The following PCDHA8 variants were observed in gnomAD, a reference collection of about 807,000 sequenced individuals.
PCDHA8 encodes protocadherin alpha-8.
In PCDHA8, 53 loss-of-function variants were observed where a neutral mutation model predicts 61.8. The ratio of observed to expected loss-of-function variants is 0.86; its 90% CI spans 0.69 to 1.08. The LOEUF is 1.08. Among genes scored for constraint, PCDHA8 ranks in the 50% least tolerant of loss-of-function variants. The pLI is 0.00. For synonymous variants in PCDHA8, 618 were observed against 556.6 expected, an observed-to-expected ratio of 1.11 and a Z score of -1.55; for missense variants, 1,293 against 1,245.0, an observed-to-expected ratio of 1.04 and a Z score of -0.58.
intron 1 of PCDHA8, chr5:140,851,516 T>A: frequency 1.1e-6 from 1 of 906,322 alleles, no homozygotes; most frequent in African/African-American, 1.8e-5. Context: ...AAATATGTTT[T>A]AAAATGCCTG....
rs550197512 is a variant in PCDHA8, at chr5:140,883,885, C to G, written c.2394+40170C>G. On this transcript the variant is annotated intron_variant, in intron 1 of 3. Coordinates refer to ENST00000531613, the MANE Select transcript of PCDHA8 (RefSeq NM_018911.3). ...TGCAGTTCCAGGTGAGCGCGCGCGA[C>G]TCTGGCGTGCCGCCTCTGGGCAGCA... The G allele has an allele frequency of 6.1e-5, 99 of 1,613,382 alleles. No homozygotes were observed. Among genetic ancestry groups the G allele is most frequent in the East Asian group, 1.6e-4 (7 of 44,866 alleles).
intron 3 of PCDHA8, among the ~76,000 whole-genome samples, chr5:140,997,797 C>T (rs2097786104): frequency 6.6e-6 from 1 of 151,944 alleles, no homozygotes; most frequent in Non-Finnish European, 1.5e-5. Context: ...TATAATTTAT[C>T]CAATTTGCTG....
intron 1 of PCDHA8, among the ~76,000 whole-genome samples, chr5:140,901,030 C>G (rs1382384435): frequency 6.6e-6 from 1 of 152,116 alleles, no homozygotes; most frequent in Admixed American, 6.5e-5. Context: ...CTATTCAACT[C>G]TTTTGCCCAT....
intron 3 of PCDHA8, among the ~76,000 whole-genome samples, chr5:140,984,282 C>T (rs543279467): frequency 6.6e-6 from 1 of 152,296 alleles, no homozygotes; most frequent in Admixed American, 6.5e-5. Flanking sequence ...ATACATTCTC[C>T]CTCCCATTGG....
rs75032728 is a variant in PCDHA8 at position 140,932,740 on chromosome 5, T to C, written c.2395-46209T>C. On this transcript the variant is annotated intron_variant, in intron 1 of 3. Coordinates refer to ENST00000531613, the MANE Select transcript of PCDHA8 (RefSeq NM_018911.3). The stretch of plus-strand genomic sequence containing the variant: ...ATATTGTATAATATAGACCCTCAAA[T>C]CAGTAAAAAGGAAAGAAAAAGAACA... 5.5e-3 allele frequency among the ~76,000 whole-genome samples: 829 copies of C among 151,670 alleles called. 4 individuals carry two copies. The highest frequency in any genetic ancestry group is 0.019 in the African/African-American group (798 of 41,410).
At chr5:140,872,215 A>T (rs931630004) in intron 1 of PCDHA8, among the ~76,000 whole-genome samples, 2 of 152,188 alleles carry the variant, frequency 1.3e-5, no homozygotes, top group Non-Finnish European at 2.9e-5. Flanking sequence ...ATTATATATG[A>T]AACAATCTTT....
chr5:140,969,781 A>G (rs1017019880), intron 1 of PCDHA8, among the ~76,000 whole-genome samples: 3 of 152,336 alleles, frequency 2.0e-5, no homozygotes, highest in East Asian at 1.9e-4. Flanking sequence ...AGGGGCTATC[A>G]TAGTCACCAC....
At chr5:140,874,401 A>G (rs2054889687) in intron 1 of PCDHA8, among the ~76,000 whole-genome samples, 1 of 152,218 alleles carries the variant, frequency 6.6e-6, no homozygotes, top group African/African-American at 2.4e-5. Context: ...CTTGCATAAC[A>G]GTCACCATTC....
chr5:140,936,275 T>C (rs1423652397), intron 1 of PCDHA8, among the ~76,000 whole-genome samples: 1 of 152,216 alleles, frequency 6.6e-6, no homozygotes, highest in African/African-American at 2.4e-5. Context: ...TATATTCCTG[T>C]GTTTTCTTCT....
At chr5:140,958,397 A>T (rs1306610051) in intron 1 of PCDHA8, among the ~76,000 whole-genome samples, 3 of 152,172 alleles carry the variant, frequency 2.0e-5, no homozygotes, top group African/African-American at 7.2e-5. Flanking sequence ...GTCATCAAAC[A>T]TTATCACTGA....
intron 3 of PCDHA8, among the ~76,000 whole-genome samples, chr5:140,999,772 T>A (rs1186405321): frequency 6.6e-6 from 1 of 152,182 alleles, no homozygotes; most frequent in Non-Finnish European, 1.5e-5. Flanking sequence ...CTTTATACTC[T>A]TAACCTAGAA....
At chr5:140,849,432 A>C (rs2150437335) in intron 1 of PCDHA8, 5 of 1,580,716 alleles carry the variant, frequency 3.2e-6, no homozygotes, top group African/African-American at 1.4e-5. Context: ...TTTTGAAGAA[A>C]GTAGAGCACA....
At chr5:140,870,777 C>G in intron 1 of PCDHA8, 3 of 1,613,612 alleles carry the variant, frequency 1.9e-6, no homozygotes, top group East Asian at 4.5e-5. Context: ...TGGACGAGAA[C>G]GACAACGCGC....
At chr5:140,868,877 C>A in intron 1 of PCDHA8, 1 of 684,342 alleles carries the variant, frequency 1.5e-6, no homozygotes, top group Non-Finnish European at 2.3e-6. Flanking sequence ...GCACAGTACT[C>A]ACAGTTTTAG....
Position 140,843,013 on chromosome 5 carries a change from A to G in PCDHA8, c.1692A>G (p.Ala564=), listed in dbSNP as rs2150350146. The change falls in exon 1 of 4, where the codon GCA becomes GCG. Residue 564 remains alanine (A), a synonymous_variant. Coordinates refer to ENST00000531613, the MANE Select transcript of PCDHA8 (RefSeq NM_018911.3). The stretch of plus-strand genomic sequence containing the variant: ...TGGACGAGAATGACAACGCGCCGGC[A>G]CTGCTGGAGCCTCGGGTGGGTGGCA... ...FVLDENDNAP[A]LLEPRVGGTG... 14 of 1,595,012 alleles carry G rather than the reference A, an allele frequency of 8.8e-6. 1 individual carries two copies. Among genetic ancestry groups the G allele is most frequent in the East Asian group, 2.2e-5 (1 of 44,830 alleles).
intron 3 of PCDHA8, among the ~76,000 whole-genome samples, chr5:140,992,399 A>G (rs1276372325): frequency 1.3e-5 from 2 of 152,138 alleles, no homozygotes; most frequent in Admixed American, 6.6e-5. Context: ...ACTTAGAGAT[A>G]TTGTTCTGCC....
At chr5:140,858,851 A>G in intron 1 of PCDHA8, 1 of 282,254 alleles carries the variant, frequency 3.5e-6, no homozygotes, top group Non-Finnish European at 6.7e-6. Flanking sequence ...ACTGATCTAT[A>G]TCTCTTCAGT....
intron 1 of PCDHA8, among the ~76,000 whole-genome samples, chr5:140,901,330 C>T (rs576918477): frequency 6.6e-6 from 1 of 152,108 alleles, no homozygotes; most frequent in African/African-American, 2.4e-5. Flanking sequence ...TTCTTGTAGT[C>T]GTTTTATAGT....
chr5:140,883,581 C>T (rs144119560), intron 1 of PCDHA8: 1 of 1,614,018 alleles, frequency 6.2e-7, no homozygotes, highest in Non-Finnish European at 8.5e-7. Flanking sequence ...CTGTGGGCCA[C>T]GGCCAGCGTG....
Sources: gnomAD v4.1 joint callset for allele counts (sites outside exome capture counted in the v4.1 genomes callset) on GRCh38, gnomAD v4.1.1 for gene constraint, MANE v1.5 for transcripts, NCBI Gene and HGNC (gene_info 2026-07-23, HGNC 2026-07-21) for gene names.